The following RASA3 variants were observed in gnomAD, a reference collection of about 807,000 sequenced individuals.
The protein encoded by RASA3 is RAS p21 protein activator 3.
In RASA3, 73 loss-of-function variants were observed where a neutral mutation model predicts 110.0. The ratio of observed to expected loss-of-function variants is 0.66; its 90% confidence interval spans 0.55 to 0.81. RASA3 has a LOEUF of 0.81. RASA3 is among the 30% of genes least tolerant of loss of function. RASA3 has a pLI of 0.00. For synonymous variants in RASA3, 500 were observed against 451.4 expected (o/e 1.11, Z -1.37); for missense variants, 976 against 1,113.2 (o/e 0.88, Z 1.75).
intron 1 of RASA3, among the ~76,000 whole-genome samples, chr13:114,103,178 C>A (rs1415913771): frequency 6.6e-6 from 1 of 152,150 alleles, no homozygotes; most frequent in Non-Finnish European, 1.5e-5. Flanking sequence ...TTCAAGGAGA[C>A]CTAGAGGGTC....
intron 4 of RASA3, among the ~76,000 whole-genome samples, chr13:114,031,850 GGGCAGAATGCCTGGCGCTAAGACGTGGAC>G (rs2054175889): frequency 6.6e-6 from 1 of 152,154 alleles, no homozygotes; most frequent in East Asian, 1.9e-4. Context: ...TGGGACAGAC[GGGCAGAATGCCTGGCGCTAAGACGTGGAC>G]GGCAGAACCG....
In RASA3 at chr13:113,996,583, G is replaced by C; in HGVS notation, c.2089C>G (p.Leu697Val). The change falls in exon 21 of 24, where the codon CTG becomes GTG. Residue 697 changes from leucine (L) to valine (V), a missense_variant. Leu to Val is a conservative substitution (Grantham distance 32). Coordinates refer to ENST00000334062, the MANE Select transcript of RASA3 (RefSeq NM_007368.4). ...HPSAYLSGHW[L>V]CCRAPSDSAP... ...GAGTCGGATGGCGCCCTACAGCACA[G>C]CCAGTGGCCGCTCAGGTAGGCGGAC... The C allele has an allele frequency of 1.9e-6, 3 of 1,613,508 alleles. No individual in the cohort carries two copies. Among genetic ancestry groups the C allele is most frequent in the Non-Finnish European group, 2.5e-6 (3 of 1,180,022 alleles).
At chr13:114,015,365 C>A (rs199764655) in intron 13 of RASA3, 33 bp from the exon 14 acceptor site, 1 of 1,609,462 alleles carries the variant, frequency 6.2e-7, no homozygotes, top group Non-Finnish European at 8.5e-7. Flanking sequence ...GACCCACTCC[C>A]GAGGCTGCCC....
chr13:114,017,955 T>C lies in RASA3; in HGVS notation c.1091+149A>G, dbSNP rs1422524422. On this transcript the variant is annotated intron_variant, in intron 11 of 23. Coordinates refer to ENST00000334062, the MANE Select transcript of RASA3 (RefSeq NM_007368.4). Reference sequence around the variant, plus strand: ...AAAAAAAAAAGAATCATTAACTGGGTCTGTGAAAGAAAACCTGAATCAACA... The same window carrying C: ...AAAAAAAAAAGAATCATTAACTGGGCCTGTGAAAGAAAACCTGAATCAACA... 13 of 881,528 alleles carry C rather than the reference T, an allele frequency of 1.5e-5. No individual in the cohort carries two copies. The East Asian group carries it at 3.8e-4, about 26-fold the overall frequency. 54.6% of individuals were successfully genotyped at this position (881,528 alleles called of 1,614,324 possible).
chr13:114,051,936 T>TCAAGCCCTGCAGCGACCC, intron 3 of RASA3, 116 bp downstream of exon 3: 2 of 751,502 alleles, frequency 2.7e-6, no homozygotes, highest in South Asian at 3.4e-5. Context: ...TGCTGTGACC[T>TCAAGCCCTGCAGCGACCC]CAAGCCCTGC....
At chr13:114,009,568 T>G (rs1315031495) in intron 16 of RASA3, 104 bp from the exon 17 acceptor site, 1 of 788,718 alleles carries the variant, frequency 1.3e-6, no homozygotes, top group Non-Finnish European at 2.1e-6. Flanking sequence ...TAAATGACGA[T>G]AAACAGGCAA....
At chr13:114,040,889 G>T (rs562431896) in intron 4 of RASA3, 111 bp downstream of exon 4, 2 of 1,011,012 alleles carry the variant, frequency 2.0e-6, no homozygotes, top group Non-Finnish European at 3.0e-6. Flanking sequence ...GTTATTCCCA[G>T]TCAAGGCCGA....
chr13:114,114,378 A>T lies in RASA3; in HGVS notation c.55+18057T>A, dbSNP rs1215820282. 1.3e-5 allele frequency among the ~76,000 whole-genome samples: 2 copies of T among 152,154 alleles called. No homozygotes were observed. The highest frequency in any genetic ancestry group is 1.3e-4 in the Admixed American group (2 of 15,276). ...AACTCCTCTAGAAACATTCTCTGGG[A>T]TATCTTGACCTGGCACGCAGAGGGG... On this transcript the variant is annotated intron_variant, in intron 1 of 23. Coordinates refer to ENST00000334062, the MANE Select transcript of RASA3 (RefSeq NM_007368.4). This position sits in a 1 kb window ranked among gnomAD's most constrained non-coding sequence, Gnocchi z 4.8.
intron 8 of RASA3, among the ~76,000 whole-genome samples, chr13:114,022,380 G>A (rs2053945033): frequency 6.6e-6 from 1 of 152,178 alleles, no homozygotes; most frequent in South Asian, 2.1e-4. Context: ...CCCACTCATA[G>A]GCCTGAAACA....
rs1397678424 is a variant in RASA3 at position 114,132,451 on chromosome 13, G to C, written c.39C>G (p.Ser13Arg). ...VEDEGLRVFQSVKIKIGEAKN... is the reference protein window; with the variant it reads ...VEDEGLRVFQRVKIKIGEAKN... ...GACACTCACCGATCTTGATCTTCAC[G>C]CTCTGGAAGACCCGGAGCCCCTCGT... The change falls in exon 1 of 24, where the codon AGC becomes AGG. Residue 13 changes from serine (S) to arginine (R), a missense_variant. Physicochemically the swap from Ser to Arg is moderately radical, Grantham distance 110. Coordinates refer to ENST00000334062, the MANE Select transcript of RASA3 (RefSeq NM_007368.4). 2.0e-6 allele frequency: 3 copies of C among 1,527,174 alleles called. No homozygotes were observed. 94.6% of individuals were successfully genotyped at this position (1,527,174 alleles called of 1,614,324 possible).
intron 7 of RASA3, among the ~76,000 whole-genome samples, chr13:114,026,788 C>A (rs2054033348): frequency 6.6e-6 from 1 of 152,218 alleles, no homozygotes; most frequent in Admixed American, 6.5e-5. Context: ...ACACAGCTGT[C>A]CCCAAACCGC....
chr13:114,040,607 C>T (rs141266169), intron 4 of RASA3, among the ~76,000 whole-genome samples: 2 of 122,248 alleles, frequency 1.6e-5, no homozygotes, highest in Non-Finnish European at 3.5e-5. Flanking sequence ...GCGCTCACTC[C>T]GAGCACAAGC....
intron 11 of RASA3, among the ~76,000 whole-genome samples, chr13:114,017,874 C>A (rs2053827884): frequency 6.6e-6 from 1 of 152,044 alleles, no homozygotes; most frequent in African/African-American, 2.4e-5. Context: ...GAGCCGTTTC[C>A]CCTCCCCACT....
chr13:114,038,919 A>G (rs765075424), intron 4 of RASA3, among the ~76,000 whole-genome samples: 1 of 152,194 alleles, frequency 6.6e-6, no homozygotes, highest in Non-Finnish European at 1.5e-5. Context: ...CTCACAAGGA[A>G]CCTATTTTGG....
intron 2 of RASA3, among the ~76,000 whole-genome samples, chr13:114,073,133 C>T (rs920833441): frequency 1.6e-4 from 23 of 146,484 alleles, no homozygotes; most frequent in Non-Finnish European, 1.0e-4. Flanking sequence ...GAAAATGGGA[C>T]GGTGATGTAC....
chr13:114,030,516 A>T (rs1476989095), intron 4 of RASA3, among the ~76,000 whole-genome samples: 3 of 119,834 alleles, frequency 2.5e-5, no homozygotes, highest in African/African-American at 8.9e-5. Context: ...AGACTCACAC[A>T]GAGAGCAAGA....
chr13:113,989,540 A>C (rs2053057396), intron 22 of RASA3, among the ~76,000 whole-genome samples: 1 of 129,978 alleles, frequency 7.7e-6, no homozygotes, highest in Non-Finnish European at 1.6e-5. Flanking sequence ...ACCATCACTC[A>C]CCCATCCTTC....
chr13:114,030,278 AAG>A (rs2054122888), intron 4 of RASA3, among the ~76,000 whole-genome samples: 1 of 151,612 alleles, frequency 6.6e-6, no homozygotes. Context: ...GCTGTCTCCC[AAG>A]CAGGGGCCAC....
intron 1 of RASA3, among the ~76,000 whole-genome samples, chr13:114,079,774 T>C (rs1350010299): frequency 6.6e-6 from 1 of 152,054 alleles, no homozygotes; most frequent in African/African-American, 2.4e-5. Flanking sequence ...CCTGTTCGCC[T>C]CTGGACACGG....
Sources: gnomAD v4.1 joint callset for allele counts (sites outside exome capture counted in the v4.1 genomes callset) on GRCh38, gnomAD v4.1.1 for gene constraint, Gnocchi (gnomAD v3.1) non-coding constraint, MANE v1.5 for transcripts, NCBI Gene and HGNC (gene_info 2026-07-23, HGNC 2026-07-21) for gene names.